ZFHX4: variants seen among roughly 807,000 people sequenced by gnomAD.
The protein encoded by ZFHX4 is zinc finger homeobox protein 4.
In ZFHX4, 56 loss-of-function variants were observed where a neutral mutation model predicts 267.6. The ratio of observed to expected loss-of-function variants is 0.21; its 90% CI spans 0.17 to 0.26. The LOEUF (loss-of-function observed/expected upper bound fraction) is 0.26, where lower values mean the gene tolerates loss of function less well. ZFHX4 is among the 10% of genes least tolerant of loss of function. The pLI, the probability that ZFHX4 is intolerant of heterozygous loss-of-function variation, is 1.00. For missense variants in ZFHX4, 4,332 were observed against 4,420.0 expected (o/e 0.98, Z 0.56); for synonymous variants, 1,778 against 1,665.6 (o/e 1.07, Z -1.64).
chr8:76,797,603 C>T (rs1260198639), intron 4 of ZFHX4, among the ~76,000 whole-genome samples: 1 of 152,072 alleles, frequency 6.6e-6, no homozygotes, highest in Non-Finnish European at 1.5e-5. Flanking sequence ...TTAGTCAGCC[C>T]TTTTACTTGC....
intron 9 of ZFHX4, 68 bp downstream of exon 9, chr8:76,850,430 A>T: frequency 8.0e-7 from 1 of 1,256,286 alleles, no homozygotes; most frequent in South Asian, 1.4e-5. Context: ...GGTGGTGCCC[A>T]AAGATTATTA....
At chr8:76,794,320 G>A (rs568607971) in intron 4 of ZFHX4, among the ~76,000 whole-genome samples, 4 of 152,244 alleles carry the variant, frequency 2.6e-5, no homozygotes, top group South Asian at 4.1e-4. Flanking sequence ...AATGGACAAC[G>A]AGGTTTTTGT....
chr8:76,770,317 A>C (rs9918736), intron 3 of ZFHX4, among the ~76,000 whole-genome samples: 42,902 of 151,858 alleles, frequency 0.28, 8,357 homozygotes, highest in African/African-American at 0.55. Flanking sequence ...TTTGCTTGCT[A>C]AAGCTAGAAA....
chr8:76,721,919 G>A (rs116764857), intron 3 of ZFHX4, among the ~76,000 whole-genome samples: 88 of 152,020 alleles, frequency 5.8e-4, no homozygotes, highest in African/African-American at 2.1e-3. Context: ...AATATTTCCT[G>A]GTACTTTTCT....
chr8:76,689,586 A>G (rs1807775300), intron 1 of ZFHX4, among the ~76,000 whole-genome samples: 1 of 152,104 alleles, frequency 6.6e-6, no homozygotes. Flanking sequence ...TGAGGGCTCG[A>G]TGGCATTATA....
rs1312545618 is a variant in ZFHX4 at position 76,855,484 on chromosome 8, C to G, written c.8563C>G (p.Pro2855Ala). 5.6e-6 allele frequency: 9 copies of G among 1,613,676 alleles called. No homozygotes were observed. Among genetic ancestry groups the G allele is most frequent in the Non-Finnish European group, 6.8e-6 (8 of 1,179,868 alleles). ...LDTLPKPATTPTTEVCDDKFL... is the reference protein window; with the variant it reads ...LDTLPKPATTATTEVCDDKFL... ...TACTCTGCCAAAACCTGCAACCACA[C>G]CTACCACGGAGGTCTGCGATGACAA... The change falls in exon 10 of 11, where the codon CCT becomes GCT. Residue 2855 changes from proline (P) to alanine (A), a missense_variant. This residue lies in a region of ZFHX4 where 1,648 missense variants were observed against 1,625.0 expected (regional missense o/e 1.01). Coordinates refer to ENST00000651372, the MANE Select transcript of ZFHX4 (RefSeq NM_024721.5).
At chr8:76,733,973 G>C (rs1412529671) in intron 3 of ZFHX4, among the ~76,000 whole-genome samples, 1 of 152,044 alleles carries the variant, frequency 6.6e-6, no homozygotes, top group Non-Finnish European at 1.5e-5. Flanking sequence ...AGAGGATAGA[G>C]ACAAAACACA....
Position 76,705,855 on chromosome 8 carries a change from C to T in ZFHX4, c.1767C>T (p.His589=). 1.2e-6 allele frequency: 2 copies of T among 1,613,874 alleles called. No individual in the cohort carries two copies. The highest frequency in any genetic ancestry group is 2.2e-5 in the East Asian group (1 of 44,842). Residue 589 remains histidine (H), a synonymous_variant, in exon 2 of 11, where the codon CAC becomes CAT. Transcript: ENST00000651372. ...RGDEDSSATP[H]QHGFTPSTPG... ...ACGAAGACAGTTCAGCCACTCCTCA[C>T]CAGCATGGCTTTACCCCGAGTACTC...
rs148826916 is a variant in ZFHX4, at chr8:76,736,886, T to A, written c.3093+28838T>A. Among the ~76,000 whole-genome samples, 20 of 152,204 alleles carry A rather than the reference T, an allele frequency of 1.3e-4. No homozygotes were observed. The East Asian group carries it at 3.5e-3, about 26-fold the overall frequency. The stretch of plus-strand genomic sequence containing the variant: ...GTAGTCCTGAAGCTGTTCTCAGGCA[T>A]CCAGACCCAGCATTATGTCATCACA... On this transcript the variant is annotated intron_variant, in intron 3 of 10. Transcript: ENST00000651372.
chr8:76,851,192 C>G lies in ZFHX4; in HGVS notation c.4271C>G (p.Ala1424Gly). The change falls in exon 10 of 11, where the codon GCG becomes GGG. Residue 1424 changes from alanine (A) to glycine (G), a missense_variant. By Grantham distance (60) the Ala-to-Gly change is moderately conservative (BLOSUM62 0). Around this residue, in one of 7 missense-constraint regions of ZFHX4, gnomAD observed 1,371 missense variants for 1,423.1 expected, o/e 0.96. Transcript: ENST00000651372. ...IHSQYHAIRA[A>G]TMCNLCQRSF... ...TCCCAGTATCATGCAATTCGGGCTG[C>G]GACAATGTGTAACCTCTGCCAGCGC... 6.2e-7 allele frequency: 1 copy of G among 1,613,828 alleles called. No individual in the cohort carries two copies. The highest frequency in any genetic ancestry group is 8.5e-7 in the Non-Finnish European group (1 of 1,179,848).
rs370865316 is a variant in ZFHX4, at chr8:76,854,640, G to C, written c.7719G>C (p.Thr2573=). ...ASSSHTTAPT[T]VAASLKRKLD... The stretch of plus-strand genomic sequence containing the variant: ...CCTCCCACACCACAGCCCCCACAAC[G>C]GTTGCTGCTTCCCTAAAAAGGAAAC... Residue 2573 remains threonine, a synonymous_variant, in exon 10 of 11, where the codon ACG becomes ACC. Transcript: ENST00000651372. 3.1e-6 allele frequency: 5 copies of C among 1,613,590 alleles called. No homozygotes were observed. The highest frequency in any genetic ancestry group is 4.2e-6 in the Non-Finnish European group (5 of 1,179,846).
chr8:76,708,717 G>A (rs1294669904), intron 3 of ZFHX4, among the ~76,000 whole-genome samples: 1 of 152,164 alleles, frequency 6.6e-6, no homozygotes, highest in African/African-American at 2.4e-5. Flanking sequence ...TTGGAAGACT[G>A]TGCACATGTA....
rs1330545239 is a variant in ZFHX4, at chr8:76,704,420, A to G, written c.332A>G (p.Asp111Gly). 3 of 1,614,016 alleles carry G rather than the reference A, an allele frequency of 1.9e-6. No homozygotes were observed. The highest frequency in any genetic ancestry group is 2.5e-6 in the Non-Finnish European group (3 of 1,179,886). ...PNARLPVLKD[D>G]NESEISELED... The stretch of plus-strand genomic sequence containing the variant: ...GCCCGCCTTCCTGTCCTGAAGGATG[A>G]CAACGAGAGCGAGATCAGCGAGTTA... The change falls in exon 2 of 11, where the codon GAC (aspartate) becomes GGC (glycine). Residue 111 changes from aspartate to glycine, a missense_variant. Asp to Gly is a moderately conservative substitution (Grantham distance 94). Coordinates refer to ENST00000651372, the MANE Select transcript of ZFHX4 (RefSeq NM_024721.5).
intron 1 of ZFHX4, among the ~76,000 whole-genome samples, chr8:76,688,262 C>G (rs891836481): frequency 6.6e-6 from 1 of 152,068 alleles, no homozygotes. Flanking sequence ...ATATAAGGTG[C>G]CTGTTTTTTT....
Position 76,825,515 on chromosome 8 carries a change from G to A in ZFHX4, c.3326-7823G>A, listed in dbSNP as rs1563543622. On this transcript the variant is annotated intron_variant, in intron 4 of 10. Transcript: ENST00000651372. ...GGTTTCTGAGGGCAGGGTTGCTGTA[G>A]CAGAAGTTGGCAATTTTATGTCACT... Among the ~76,000 whole-genome samples the A allele has an allele frequency of 1.3e-5, 2 of 152,204 alleles. 1 individual carries two copies. Among genetic ancestry groups the A allele is most frequent in the South Asian group, 4.1e-4 (2 of 4,834 alleles).
chr8:76,731,474 G>A (rs1381767707), intron 3 of ZFHX4, among the ~76,000 whole-genome samples: 1 of 152,112 alleles, frequency 6.6e-6, no homozygotes, highest in African/African-American at 2.4e-5. Flanking sequence ...ATAATTGAAG[G>A]CATTTATCTT....
chr8:76,791,158 T>C (rs1192024633), intron 4 of ZFHX4, among the ~76,000 whole-genome samples: 1 of 152,188 alleles, frequency 6.6e-6, no homozygotes. Flanking sequence ...AAATGTCTTT[T>C]CCTTGCCATT....
At position 76,851,977 on chromosome 8, in the gene ZFHX4, C is replaced by T; in HGVS notation, c.5056C>T (p.His1686Tyr). 6.2e-7 allele frequency: 1 copy of T among 1,613,966 alleles called. No homozygotes were observed. The highest frequency in any genetic ancestry group is 1.7e-5 in the Admixed American group (1 of 60,028). Residue 1686 changes from histidine (H) to tyrosine (Y), a missense_variant, in exon 10 of 11, where the codon CAC becomes TAC. By Grantham distance (83) the His-to-Tyr change is moderately conservative (BLOSUM62 2). This residue lies in a region of ZFHX4 where 1,371 missense variants were observed against 1,423.1 expected (regional missense o/e 0.96). Transcript: ENST00000651372. The stretch of plus-strand genomic sequence containing the variant: ...TTTAATCTCTGCTCAACCTGCACAT[C>T]ACCCACCACAGTCACCAGCACAAAT... ...PDLISAQPAH[H>Y]PPQSPAQIQM...
At chr8:76,690,624 T>C (rs966523276) in intron 1 of ZFHX4, among the ~76,000 whole-genome samples, 11 of 152,074 alleles carry the variant, frequency 7.2e-5, no homozygotes, top group African/African-American at 2.7e-4. Context: ...AGCCCATTAA[T>C]TGAAAATTAG....
Sources: allele counts gnomAD v4.1 joint callset (sites outside exome capture counted in the v4.1 genomes callset), GRCh38; gene constraint gnomAD v4.1.1; regional missense constraint gnomAD v4.1.1; transcripts MANE v1.5; gene names NCBI Gene and HGNC (gene_info 2026-07-23, HGNC 2026-07-21).